Variants in KAZN observed in about 807,000 individuals in gnomAD.
KAZN encodes kazrin, periplakin interacting protein.
Under a neutral mutation model 87.4 loss-of-function variants are expected in KAZN, and 40 were observed. The ratio of observed to expected loss-of-function variants is 0.46; its 90% CI spans 0.36 to 0.60. The LOEUF (loss-of-function observed/expected upper bound fraction) is 0.60, where lower values mean the gene tolerates loss of function less well. Among genes scored for constraint, KAZN ranks in the 20% least tolerant of loss-of-function variants. KAZN has a pLI of 0.00. For synonymous variants in KAZN, 466 were observed against 458.3 expected, an observed-to-expected ratio of 1.02 and a Z score of -0.22; for missense variants, 898 against 1,073.9, an observed-to-expected ratio of 0.84 and a Z score of 2.29.
chr1:14,021,403 T>A (rs189779776), intron 1 of KAZN, among the ~76,000 whole-genome samples: 3 of 152,328 alleles, frequency 2.0e-5, no homozygotes, highest in African/African-American at 7.2e-5. Flanking sequence ...TGCATTTTCA[T>A]CCAATTCCCA....
intron 1 of KAZN, among the ~76,000 whole-genome samples, chr1:13,962,706 C>A (rs535175432): frequency 2.0e-5 from 3 of 152,126 alleles, no homozygotes; most frequent in Non-Finnish European, 4.4e-5. Context: ...TACAGGAGTG[C>A]ACCACCACGC....
At chr1:15,030,596 G>T (rs1195049379) in intron 2 of KAZN, among the ~76,000 whole-genome samples, 4 of 152,194 alleles carry the variant, frequency 2.6e-5, no homozygotes, top group African/African-American at 9.7e-5. Context: ...TTAATATGAG[G>T]TTCACCAGCA....
At chr1:14,414,790 CGAG>C (rs1664612204) in intron 2 of KAZN, among the ~76,000 whole-genome samples, 2 of 151,962 alleles carry the variant, frequency 1.3e-5, no homozygotes, top group Admixed American at 1.3e-4. Context: ...TTTGGGAGGC[CGAG>C]GATGATGGAT....
At chr1:14,736,558 G>A (rs1643915184) in intron 1 of KAZN, among the ~76,000 whole-genome samples, 1 of 139,592 alleles carries the variant, frequency 7.2e-6, no homozygotes, top group South Asian at 2.3e-4. Flanking sequence ...TGATCCACCT[G>A]CCTCAGCCTC....
intron 1 of KAZN, among the ~76,000 whole-genome samples, chr1:14,950,454 CA>C (rs1189768761): frequency 1.3e-5 from 2 of 152,138 alleles, no homozygotes; most frequent in African/African-American, 4.8e-5. Flanking sequence ...GTCAGCCCCA[CA>C]GAGGGAGTGA....
At chr1:14,672,738 G>T (rs1639987087) in intron 1 of KAZN, among the ~76,000 whole-genome samples, 1 of 152,206 alleles carries the variant, frequency 6.6e-6, no homozygotes, top group Non-Finnish European at 1.5e-5. Flanking sequence ...CCCATTGCAG[G>T]ATTGCTTTGC....
intron 2 of KAZN, among the ~76,000 whole-genome samples, chr1:14,387,370 T>C (rs1375179630): frequency 2.6e-5 from 4 of 152,220 alleles, no homozygotes; most frequent in African/African-American, 9.6e-5. Flanking sequence ...CTGCGTTCCT[T>C]TGGAGGAGGA....
intron 2 of KAZN, among the ~76,000 whole-genome samples, chr1:14,592,090 T>C (rs1166515189): frequency 6.6e-6 from 1 of 152,224 alleles, no homozygotes; most frequent in Non-Finnish European, 1.5e-5. Flanking sequence ...TCTGGAGATC[T>C]GTTGCCCTTT....
At chr1:14,065,664 G>C (rs1296024725) in intron 1 of KAZN, among the ~76,000 whole-genome samples, 1 of 151,874 alleles carries the variant, frequency 6.6e-6, no homozygotes, top group African/African-American at 2.4e-5. Context: ...TCCAATCCAG[G>C]CATCTAATCC....
chr1:14,090,091 T>A (rs892373880), intron 1 of KAZN, among the ~76,000 whole-genome samples: 5 of 152,154 alleles, frequency 3.3e-5, no homozygotes, highest in African/African-American at 1.2e-4. Flanking sequence ...ATTTTGTGAC[T>A]GGCATGTTTT....
At chr1:15,067,146 C>A in intron 8 of KAZN, 3 of 985,678 alleles carry the variant, frequency 3.0e-6, no homozygotes, top group Non-Finnish European at 3.6e-6. Flanking sequence ...GCAGGTGGGC[C>A]AGGCAGGTGT....
At chr1:14,353,676 TATC>T (rs1658753215) in intron 2 of KAZN, among the ~76,000 whole-genome samples, 1 of 152,208 alleles carries the variant, frequency 6.6e-6, no homozygotes, top group Non-Finnish European at 1.5e-5. Flanking sequence ...AAAATAAAAA[TATC>T]ATTTAAAATA....
chr1:15,044,562 G>T (rs1673277305), intron 4 of KAZN, among the ~76,000 whole-genome samples: 1 of 151,934 alleles, frequency 6.6e-6, no homozygotes, highest in South Asian at 2.1e-4. Flanking sequence ...ACCAGCCTGG[G>T]CAACATGGCA....
chr1:14,769,555 T>C lies in KAZN; in HGVS notation c.226+170332T>C, dbSNP rs947971010. ...TTTTAGTAGAGACAGGGTTTCACCA[T>C]GTTGGCCAGACTAGTTTCAAACTTA... On this transcript the variant is annotated intron_variant, in intron 1 of 14. Transcript: ENST00000376030. This position sits in a 1 kb window ranked among gnomAD's most constrained non-coding sequence, Gnocchi z 4.1. Among the ~76,000 whole-genome samples, 2 of 152,118 alleles carry C rather than the reference T, an allele frequency of 1.3e-5. No individual in the cohort carries two copies. The highest frequency in any genetic ancestry group is 2.9e-5 in the Non-Finnish European group (2 of 68,030).
intron 1 of KAZN, among the ~76,000 whole-genome samples, chr1:14,602,388 C>T (rs1677048340): frequency 6.6e-6 from 1 of 152,168 alleles, no homozygotes; most frequent in African/African-American, 2.4e-5. Context: ...GTGCAGAGGG[C>T]GTCCGTGCAG....
At chr1:14,828,913 A>T (rs1646975359) in intron 1 of KAZN, among the ~76,000 whole-genome samples, 1 of 152,158 alleles carries the variant, frequency 6.6e-6, no homozygotes, top group Non-Finnish European at 1.5e-5. Context: ...CGAGAGCAAC[A>T]TTTGTACTGC....
At chr1:14,683,360 G>A (rs570907440) in intron 1 of KAZN, among the ~76,000 whole-genome samples, 29 of 152,210 alleles carry the variant, frequency 1.9e-4, no homozygotes, top group Non-Finnish European at 3.8e-4. Context: ...TTAATGGGAC[G>A]TGACTGCAGA....
intron 1 of KAZN, among the ~76,000 whole-genome samples, chr1:14,783,298 G>A (rs1004442124): frequency 1.3e-5 from 2 of 152,036 alleles, no homozygotes; most frequent in African/African-American, 4.8e-5. Flanking sequence ...AGAGCCCAAA[G>A]CCAGGCAGGG....
At chr1:14,844,406 T>C (rs764046311) in intron 1 of KAZN, among the ~76,000 whole-genome samples, 9 of 152,174 alleles carry the variant, frequency 5.9e-5, no homozygotes, top group Non-Finnish European at 1.0e-4. Flanking sequence ...GCCTGGCAAT[T>C]ATTACTTCCT....
Sources: gnomAD v4.1 joint callset for allele counts (sites outside exome capture counted in the v4.1 genomes callset) on GRCh38, gnomAD v4.1.1 for gene constraint, Gnocchi (gnomAD v3.1) non-coding constraint, MANE v1.5 for transcripts, NCBI Gene and HGNC (gene_info 2026-07-23, HGNC 2026-07-21) for gene names.